The following ASTN2 variants were observed in gnomAD, a reference collection of about 807,000 sequenced individuals.
ASTN2 encodes astrotactin-2.
In ASTN2, 54 loss-of-function variants were observed where a neutral mutation model predicts 139.8. The ratio of observed to expected loss-of-function variants is 0.39; its 90% confidence interval spans 0.31 to 0.48. ASTN2 has a LOEUF of 0.48. Among genes scored for constraint, ASTN2 ranks in the 20% least tolerant of loss-of-function variants. The pLI, the probability that ASTN2 is intolerant of heterozygous loss-of-function variation, is 0.95. For synonymous variants in ASTN2, 756 were observed against 719.5 expected (o/e 1.05, Z -0.81); for missense variants, 1,565 against 1,725.1 (o/e 0.91, Z 1.64).
intron 19 of ASTN2, among the ~76,000 whole-genome samples, chr9:116,572,695 G>A (rs145970210): frequency 1.3e-5 from 2 of 152,292 alleles, no homozygotes; most frequent in African/African-American, 4.8e-5. Context: ...GAGGAAGTCA[G>A]AATCTCAAAT....
intron 22 of ASTN2, among the ~76,000 whole-genome samples, chr9:116,429,027 G>T (rs1274972789): frequency 1.3e-5 from 2 of 152,030 alleles, no homozygotes; most frequent in African/African-American, 4.8e-5. Flanking sequence ...TGAGCGGAAG[G>T]AGGCAAAACA....
chr9:117,178,260 A>G (rs1197971853), intron 3 of ASTN2, among the ~76,000 whole-genome samples: 1 of 152,152 alleles, frequency 6.6e-6, no homozygotes, highest in Non-Finnish European at 1.5e-5. Context: ...TGAAAGCTCC[A>G]CAAGGACAAG....
intron 13 of ASTN2, among the ~76,000 whole-genome samples, chr9:116,781,211 C>G (rs895636577): frequency 2.0e-5 from 3 of 152,166 alleles, no homozygotes; most frequent in Non-Finnish European, 2.9e-5. Flanking sequence ...AGTAGGTCAG[C>G]TGACTGGAGC....
intron 1 of ASTN2, among the ~76,000 whole-genome samples, chr9:117,395,455 A>G (rs1019388765): frequency 2.2e-4 from 33 of 152,198 alleles, no homozygotes; most frequent in African/African-American, 8.0e-4. Flanking sequence ...TCTGCACCTC[A>G]TAAAACACAG....
At chr9:116,535,392 G>A (rs1331893329) in intron 19 of ASTN2, among the ~76,000 whole-genome samples, 1 of 152,156 alleles carries the variant, frequency 6.6e-6, no homozygotes, top group African/African-American at 2.4e-5. Context: ...ATGTGAGTTT[G>A]ATCCTGTCAT....
chr9:117,281,402 C>T (rs7044993), intron 2 of ASTN2, among the ~76,000 whole-genome samples: 146,656 of 152,256 alleles, frequency 0.96, 70,818 homozygotes, highest in East Asian at 1. Context: ...TCAAGCTATG[C>T]TCTGAAGACT....
In ASTN2 at chr9:116,698,395, G is replaced by T. The variant is rs1310765614; in HGVS notation, c.2806+27376C>A. The T allele has an allele frequency of 6.2e-7, 1 of 1,613,998 alleles. No homozygotes were observed. Among genetic ancestry groups the T allele is most frequent in the African/African-American group, 1.3e-5 (1 of 74,920 alleles). ...TTGGCTGAAGTTGAGAAGTCCAATAGTCAAGTGGTAGAGGAGCAGAGTTAC... is the reference window on the plus strand; with the variant it reads ...TTGGCTGAAGTTGAGAAGTCCAATATTCAAGTGGTAGAGGAGCAGAGTTAC... On this transcript the variant is annotated intron_variant, in intron 16 of 22. Transcript: ENST00000313400. The surrounding 1 kb of genome is among the most constrained non-coding windows in gnomAD (Gnocchi z 4.4).
intron 1 of ASTN2, among the ~76,000 whole-genome samples, chr9:117,319,901 A>C (rs575155010): frequency 7.2e-4 from 110 of 152,292 alleles, no homozygotes; most frequent in South Asian, 1.4e-3. Flanking sequence ...CCCAGTTCCC[A>C]ACCCCTTAAT....
intron 11 of ASTN2, among the ~76,000 whole-genome samples, chr9:116,827,090 A>T (rs1333060494): frequency 1.3e-5 from 2 of 151,982 alleles, no homozygotes; most frequent in African/African-American, 4.8e-5. Context: ...TGGGCGGATC[A>T]CCTAAGGTCG....
chr9:116,597,155 T>C (rs1434839442), intron 19 of ASTN2, among the ~76,000 whole-genome samples: 1 of 152,082 alleles, frequency 6.6e-6, no homozygotes, highest in East Asian at 1.9e-4. Flanking sequence ...GCCTTTGAAA[T>C]TGGTACCCTT....
chr9:116,777,927 C>T (rs984292209), intron 13 of ASTN2, among the ~76,000 whole-genome samples: 3 of 152,132 alleles, frequency 2.0e-5, no homozygotes, highest in Non-Finnish European at 4.4e-5. Flanking sequence ...ACTGCAACCT[C>T]CACCTCCCGG....
At chr9:117,365,067 T>C (rs1216770949) in intron 1 of ASTN2, among the ~76,000 whole-genome samples, 1 of 151,098 alleles carries the variant, frequency 6.6e-6, no homozygotes, top group Non-Finnish European at 1.5e-5. Context: ...AAGGATTGCT[T>C]GAACCCTGGA....
At chr9:116,517,110 C>G (rs1027787240) in intron 19 of ASTN2, among the ~76,000 whole-genome samples, 2 of 152,224 alleles carry the variant, frequency 1.3e-5, no homozygotes, top group Non-Finnish European at 2.9e-5. Context: ...AACCTGAATA[C>G]TTCATCAGGT....
intron 10 of ASTN2, among the ~76,000 whole-genome samples, chr9:116,878,313 G>A (rs558323187): frequency 1.2e-4 from 19 of 152,230 alleles, no homozygotes; most frequent in Admixed American, 8.5e-4. Flanking sequence ...CCAAATGCCC[G>A]TCATGACAGA....
intron 16 of ASTN2, among the ~76,000 whole-genome samples, chr9:116,671,911 A>G (rs1177916438): frequency 1.3e-5 from 2 of 152,142 alleles, no homozygotes; most frequent in East Asian, 3.9e-4. Flanking sequence ...GCAGTTTTGT[A>G]AGACACTGTG....
At chr9:116,980,052 T>C (rs1010366771) in intron 7 of ASTN2, among the ~76,000 whole-genome samples, 3 of 152,168 alleles carry the variant, frequency 2.0e-5, no homozygotes, top group Admixed American at 1.3e-4. Context: ...GAGACCCCCA[T>C]GAGGCTTCCT....
chr9:116,565,101 T>C (rs113539945), intron 19 of ASTN2, among the ~76,000 whole-genome samples: 10 of 151,870 alleles, frequency 6.6e-5, no homozygotes, highest in Non-Finnish European at 8.8e-5. Flanking sequence ...ATTTCATATA[T>C]TTTCCATCCC....
intron 2 of ASTN2, among the ~76,000 whole-genome samples, chr9:117,233,502 A>G (rs921420718): frequency 2.0e-5 from 3 of 152,182 alleles, no homozygotes; most frequent in Non-Finnish European, 4.4e-5. Context: ...ATGTATAAGC[A>G]TATGTGTGTG....
At chr9:116,582,546 C>G (rs1853993246) in intron 19 of ASTN2, 1 of 152,228 alleles carries the variant, frequency 6.6e-6, no homozygotes, top group African/African-American at 2.4e-5. Context: ...TAACTCCAAG[C>G]CTGTGCTGAA....
Sources: allele counts gnomAD v4.1 joint callset (sites outside exome capture counted in the v4.1 genomes callset), GRCh38; gene constraint gnomAD v4.1.1; non-coding constraint Gnocchi (gnomAD v3.1); transcripts MANE v1.5; gene names NCBI Gene and HGNC (gene_info 2026-07-23, HGNC 2026-07-21).